PALLD: variants seen among roughly 807,000 people sequenced by gnomAD.
The protein encoded by PALLD is palladin, cytoskeletal associated protein.
A neutral mutation model predicts 123.5 loss-of-function variants in PALLD; 61 were observed. That is an observed-to-expected ratio of 0.49 (90% CI 0.40 to 0.61). The LOEUF is 0.61. Among genes scored for constraint, PALLD ranks in the 20% least tolerant of loss-of-function variants. PALLD has a pLI of 0.00. For missense variants in PALLD, 1,273 were observed against 1,377.0 expected (o/e 0.92, Z 1.20); for synonymous variants, 465 against 496.4 (o/e 0.94, Z 0.84).
chr4:168,795,175 G>A (rs1024074801), intron 10 of PALLD, among the ~76,000 whole-genome samples: 10 of 152,258 alleles, frequency 6.6e-5, no homozygotes, highest in Admixed American at 6.5e-5. Flanking sequence ...TTCAACATAA[G>A]AATTATAGGG....
At chr4:168,681,167 CAGTACAAAT>C (rs1781514241) in intron 3 of PALLD, among the ~76,000 whole-genome samples, 156 bp from the exon 4 acceptor site, 1 of 152,056 alleles carries the variant, frequency 6.6e-6, no homozygotes, top group South Asian at 2.1e-4. Flanking sequence ...TCTGAAGAAA[CAGTACAAAT>C]AAAAAATTGT....
chr4:168,703,000 T>C (rs1276448783), intron 8 of PALLD, among the ~76,000 whole-genome samples: 1 of 145,012 alleles, frequency 6.9e-6, no homozygotes, highest in African/African-American at 2.6e-5. Flanking sequence ...GCTGGTGCGC[T>C]GCACCCACTA....
chr4:168,841,562 G>T (rs189968282), intron 10 of PALLD, among the ~76,000 whole-genome samples: 213 of 152,292 alleles, frequency 1.4e-3, no homozygotes, highest in African/African-American at 5.1e-3. Context: ...ATGCAGCAGT[G>T]GGGTTGAGTA....
Position 168,709,042 on chromosome 4 carries a change from C to T in PALLD, c.1516C>T (p.Leu506=), listed in dbSNP as rs200771569. 6.2e-6 allele frequency: 10 copies of T among 1,613,032 alleles called. No homozygotes were observed. The highest frequency in any genetic ancestry group is 3.3e-5 in the Admixed American group (2 of 60,004). ...TTCACTTCCAGAGGAGATTTGCACC[C>T]TAGTTATCGCTGAGACTTTCCCTGA... The part of the protein sequence containing the change: ...STAEPEEICT[L]VIAETFPEDA... Residue 506 remains leucine (L), a synonymous_variant, in exon 9 of 22, where the codon CTA becomes TTA. Transcript: ENST00000505667.
chr4:168,620,788 A>G (rs1774691860), intron 2 of PALLD, among the ~76,000 whole-genome samples: 1 of 152,196 alleles, frequency 6.6e-6, no homozygotes, highest in South Asian at 2.1e-4. Flanking sequence ...TTCTGGCTAA[A>G]CCATGGGTCT....
intron 16 of PALLD, among the ~76,000 whole-genome samples, chr4:168,915,086 T>G (rs1297988290): frequency 6.6e-6 from 1 of 152,010 alleles, no homozygotes; most frequent in Non-Finnish European, 1.5e-5. Context: ...CCTGGAAAGC[T>G]TTTTTTCCCA....
intron 15 of PALLD, among the ~76,000 whole-genome samples, chr4:168,904,806 A>G: frequency 6.6e-6 from 1 of 152,310 alleles, no homozygotes; most frequent in East Asian, 1.9e-4. Context: ...CTATATAAAT[A>G]ATTTTAATGA....
At chr4:168,549,348 G>A (rs1455501827) in intron 2 of PALLD, among the ~76,000 whole-genome samples, 2 of 150,876 alleles carry the variant, frequency 1.3e-5, no homozygotes, top group East Asian at 3.9e-4. Flanking sequence ...ATCTCGGTGG[G>A]TGTTCAAAAC....
At chr4:168,871,822 G>A (rs952172156) in intron 10 of PALLD, among the ~76,000 whole-genome samples, 2 of 152,180 alleles carry the variant, frequency 1.3e-5, no homozygotes, top group East Asian at 1.9e-4. Flanking sequence ...GGCAAAGCCT[G>A]TCCCTTATCA....
intron 11 of PALLD, among the ~76,000 whole-genome samples, chr4:168,892,625 T>A (rs1754307842): frequency 6.6e-6 from 1 of 152,174 alleles, no homozygotes; most frequent in African/African-American, 2.4e-5. Context: ...TAAATGTACA[T>A]ACTCTGGAAG....
chr4:168,663,779 C>T (rs1340455474), intron 2 of PALLD, among the ~76,000 whole-genome samples: 1 of 152,036 alleles, frequency 6.6e-6, no homozygotes. Flanking sequence ...GTATTGTTTC[C>T]TCATGCCATT....
At chr4:168,760,270 C>T (rs1028790928) in intron 10 of PALLD, among the ~76,000 whole-genome samples, 1 of 151,980 alleles carries the variant, frequency 6.6e-6, no homozygotes, top group Non-Finnish European at 1.5e-5. Flanking sequence ...CTCACAGCCA[C>T]AGGAGCGTTT....
intron 7 of PALLD, among the ~76,000 whole-genome samples, chr4:168,691,052 C>T (rs926890686): frequency 6.6e-6 from 1 of 152,106 alleles, no homozygotes; most frequent in African/African-American, 2.4e-5. Context: ...GGAAAAATTT[C>T]TTAGTGTAAG....
intron 2 of PALLD, among the ~76,000 whole-genome samples, chr4:168,600,028 C>CAT (rs879383856): frequency 0.094 from 11,394 of 121,092 alleles, 598 homozygotes; most frequent in Non-Finnish European, 0.12. Context: ...TGTGTACACA[C>CAT]ACATACATAC....
rs116339718 is a variant in PALLD, at chr4:168,753,977, T to C, written c.1964+42054T>C. On this transcript the variant is annotated intron_variant, in intron 10 of 21. Transcript: ENST00000505667. ...TTGAGGTAATAGGTTATGCAACAAG[T>C]ACATACTATGTAATAGGTATGCAAT... is the stretch of plus-strand genomic sequence containing the variant. Among the ~76,000 whole-genome samples the C allele has an allele frequency of 5.1e-3, 776 of 152,320 alleles. 2 individuals carry two copies. The highest frequency in any genetic ancestry group is 0.01 in the African/African-American group (417 of 41,576).
At chr4:168,597,853 T>C (rs1772149600) in intron 2 of PALLD, among the ~76,000 whole-genome samples, 1 of 152,166 alleles carries the variant, frequency 6.6e-6, no homozygotes, top group African/African-American at 2.4e-5. Flanking sequence ...ACCATTTCAA[T>C]TGATGGCACT....
At chr4:168,912,473 A>G (rs1759178321) in intron 15 of PALLD, among the ~76,000 whole-genome samples, 1 of 152,238 alleles carries the variant, frequency 6.6e-6, no homozygotes, top group Admixed American at 6.5e-5. Context: ...ACAAATTAAG[A>G]GAAAGGGCTG....
Position 168,867,906 on chromosome 4 carries a change from G to GA in PALLD, c.1965-23003dup, listed in dbSNP as rs531178016. 9.9e-3 allele frequency among the ~76,000 whole-genome samples: 1,090 copies of GA among 110,068 alleles called. 6 individuals carry two copies. Among genetic ancestry groups the GA allele is most frequent in the African/African-American group, 0.012 (367 of 30,034 alleles). The allele number at this position is 110,068 out of a possible 152,430, so 72.2% of individuals were successfully genotyped here. On this transcript the variant is annotated intron_variant, in intron 10 of 21. Transcript: ENST00000505667. Reference sequence around the variant, plus strand: ...CCATTTGAACTAATTTAAGTGAAGAGAAAAAAAAAAAAAGAAAAAAAAAAT... The same window carrying GA: ...CCATTTGAACTAATTTAAGTGAAGAGAAAAAAAAAAAAAAGAAAAAAAAAAT...
intron 2 of PALLD, among the ~76,000 whole-genome samples, chr4:168,547,059 C>T (rs1177203618): frequency 6.6e-6 from 1 of 151,974 alleles, no homozygotes; most frequent in Non-Finnish European, 1.5e-5. Flanking sequence ...CCTGTTCATA[C>T]ATTTTAGAGT....
Sources: gnomAD v4.1 joint callset for allele counts (sites outside exome capture counted in the v4.1 genomes callset) on GRCh38, gnomAD v4.1.1 for gene constraint, MANE v1.5 for transcripts, NCBI Gene and HGNC (gene_info 2026-07-23, HGNC 2026-07-21) for gene names.